The following TRAPPC10 variants were observed in gnomAD, a reference collection of about 807,000 sequenced individuals.
TRAPPC10 encodes the protein TRAPP 130 kDa subunit.
A neutral mutation model predicts 125.5 loss-of-function variants in TRAPPC10; 23 were observed. That is an observed-to-expected ratio of 0.18 (90% CI 0.13 to 0.26). The LOEUF is 0.26. TRAPPC10 is among the 10% of genes least tolerant of loss of function. TRAPPC10 has a pLI of 1.00. For synonymous variants in TRAPPC10, 509 were observed against 518.0 expected (o/e 0.98, Z 0.24); for missense variants, 1,123 against 1,308.4 (o/e 0.86, Z 2.19).
At chr21:44,050,827 C>G (rs1207705616) in intron 3 of TRAPPC10, among the ~76,000 whole-genome samples, 1 of 152,202 alleles carries the variant, frequency 6.6e-6, no homozygotes, top group African/African-American at 2.4e-5. Flanking sequence ...AATCAGGATA[C>G]AAATGAGAAG....
chr21:44,069,408 A>C (rs1454454471), intron 7 of TRAPPC10, among the ~76,000 whole-genome samples: 1 of 152,244 alleles, frequency 6.6e-6, no homozygotes, highest in Non-Finnish European at 1.5e-5. Flanking sequence ...AAAGGGGCTC[A>C]GTCTCATGAA....
chr21:44,075,438 G>T (rs1056782349), intron 9 of TRAPPC10, among the ~76,000 whole-genome samples: 5 of 152,044 alleles, frequency 3.3e-5, no homozygotes, highest in African/African-American at 7.2e-5. Flanking sequence ...ATGCACCACT[G>T]TCTCTCTGAA....
intron 1 of TRAPPC10, among the ~76,000 whole-genome samples, chr21:44,018,178 A>G (rs1038579146): frequency 6.6e-6 from 1 of 151,674 alleles, no homozygotes; most frequent in African/African-American, 2.4e-5. Flanking sequence ...GTGCTGATGA[A>G]TCTCTGAAAT....
intron 1 of TRAPPC10, among the ~76,000 whole-genome samples, chr21:44,031,450 G>A (rs1046859571): frequency 6.6e-6 from 1 of 152,152 alleles, no homozygotes; most frequent in African/African-American, 2.4e-5. Context: ...GCGTAAAGTC[G>A]GCCGCAGCTG....
At chr21:44,067,160 C>T (rs986047217) in intron 7 of TRAPPC10, among the ~76,000 whole-genome samples, 10 of 152,150 alleles carry the variant, frequency 6.6e-5, no homozygotes, top group Non-Finnish European at 1.5e-4. Context: ...TAGCCTGTGG[C>T]ACGGAGGAAC....
At chr21:44,074,665 C>T (rs1452746354) in intron 8 of TRAPPC10, among the ~76,000 whole-genome samples, 195 bp downstream of exon 8, 3 of 152,236 alleles carry the variant, frequency 2.0e-5, no homozygotes, top group African/African-American at 7.2e-5. Flanking sequence ...AGTCAGCAGA[C>T]AGCAAGCACT....
chr21:44,021,740 T>G (rs1407922061), intron 1 of TRAPPC10, among the ~76,000 whole-genome samples: 2 of 151,996 alleles, frequency 1.3e-5, no homozygotes, highest in African/African-American at 4.8e-5. Context: ...CTAGATGAGG[T>G]CAGGAGGGTG....
Position 44,057,289 on chromosome 21 carries a change from TTCTC to T in TRAPPC10, c.678+1410_678+1413del, listed in dbSNP as rs374885797. On this transcript the variant is annotated intron_variant, in intron 5 of 22. Transcript: ENST00000291574. ...CATTTAACACTACTGAGCTGTAGTCTTCTCTCTCTCTCTCTCTTTTTTTTTTTAT... is the reference window on the plus strand; with the variant it reads ...CATTTAACACTACTGAGCTGTAGTCTTCTCTCTCTCTCTTTTTTTTTTTAT... Among the ~76,000 whole-genome samples, 298 of 151,638 alleles carry T rather than the reference TTCTC, an allele frequency of 2.0e-3. 1 individual carries two copies. Among genetic ancestry groups the T allele is most frequent in the South Asian group, 0.015 (71 of 4,774 alleles).
chr21:44,075,333 A>G (rs1391393427), intron 9 of TRAPPC10, among the ~76,000 whole-genome samples, 180 bp downstream of exon 9: 1 of 152,224 alleles, frequency 6.6e-6, no homozygotes, highest in Non-Finnish European at 1.5e-5. Context: ...TAACAGCATA[A>G]TGCAATATTA....
At chr21:44,061,752 A>G (rs747398358) in intron 6 of TRAPPC10, among the ~76,000 whole-genome samples, 2 of 152,202 alleles carry the variant, frequency 1.3e-5, no homozygotes, top group Non-Finnish European at 2.9e-5. Flanking sequence ...AAGAATGCCT[A>G]GAACTTAATC....
chr21:44,040,466 T>G (rs2034332789), intron 3 of TRAPPC10, among the ~76,000 whole-genome samples: 1 of 151,966 alleles, frequency 6.6e-6, no homozygotes, highest in Admixed American at 6.6e-5. Context: ...CCTCAGCCTC[T>G]TGATTGAGTT....
intron 7 of TRAPPC10, among the ~76,000 whole-genome samples, chr21:44,067,752 C>G (rs2036558587): frequency 6.6e-6 from 1 of 152,088 alleles, no homozygotes; most frequent in African/African-American, 2.4e-5. Context: ...CTCAGGTCAG[C>G]TTGGTAAACA....
chr21:44,087,092 A>G lies in TRAPPC10; in HGVS notation c.2539+132A>G. The G allele has an allele frequency of 1.9e-6, 2 of 1,052,526 alleles. No individual in the cohort carries two copies. The highest frequency in any genetic ancestry group is 2.7e-6 in the Non-Finnish European group (2 of 736,598). 65.2% of individuals were successfully genotyped at this position (1,052,526 alleles called of 1,614,324 possible). ...ACAGTGTCTGGAGTCCGTGTTCCAT[A>G]GGAGCCCTGCGGCCTGATGCCTGTG... On this transcript the variant is annotated intron_variant, in intron 16 of 22. Coordinates refer to ENST00000291574, the MANE Select transcript of TRAPPC10 (RefSeq NM_003274.5). The surrounding 1 kb of genome is among the most constrained non-coding windows in gnomAD (Gnocchi z 4.6).
intron 1 of TRAPPC10, 131 bp downstream of exon 1, chr21:44,012,691 C>G (rs962889882): frequency 1.3e-6 from 1 of 763,740 alleles, no homozygotes; most frequent in African/African-American, 1.9e-5. Flanking sequence ...GAGGTGTGAC[C>G]AGGGCTGCGG....
At chr21:44,040,510 G>T (rs1275399991) in intron 3 of TRAPPC10, among the ~76,000 whole-genome samples, 1 of 151,956 alleles carries the variant, frequency 6.6e-6, no homozygotes, top group African/African-American at 2.4e-5. Context: ...TAATTTTTTT[G>T]TATTTTCTGT....
chr21:44,029,659 C>T (rs145324056), intron 1 of TRAPPC10, among the ~76,000 whole-genome samples: 3 of 152,226 alleles, frequency 2.0e-5, no homozygotes, highest in Non-Finnish European at 2.9e-5. Flanking sequence ...AGCACAAATG[C>T]GCTGTGTCAC....
At chr21:44,053,786 T>TG (rs1270420344) in intron 4 of TRAPPC10, among the ~76,000 whole-genome samples, 3 of 152,138 alleles carry the variant, frequency 2.0e-5, no homozygotes, top group Admixed American at 6.5e-5. Context: ...TCTGCGCGCC[T>TG]GGGGGGATCA....
At chr21:44,076,726 G>A in intron 10 of TRAPPC10, 98 bp downstream of exon 10, 1 of 1,054,676 alleles carries the variant, frequency 9.5e-7, no homozygotes, top group Non-Finnish European at 1.4e-6. Context: ...CTGGTGTGGG[G>A]GGCCCCTTCT....
rs1335613254 is a variant in TRAPPC10 at position 44,063,049 on chromosome 21, C to T, written c.791-489C>T. ...TACCAAGTCCTCCCTGTCCCTTCCT[C>T]CAGGAGCTTGACTCAGGGACGTGAC... On this transcript the variant is annotated intron_variant, in intron 6 of 22. Transcript: ENST00000291574. The surrounding 1 kb of genome is among the most constrained non-coding windows in gnomAD (Gnocchi z 4.4). 7.7e-7 allele frequency: 1 copy of T among 1,304,230 alleles called. No homozygotes were observed. The highest frequency in any genetic ancestry group is 1.5e-5 in the African/African-American group (1 of 65,824). The allele number at this position is 1,304,230 out of a possible 1,614,324, so 80.8% of individuals were successfully genotyped here.
Sources: allele counts gnomAD v4.1 joint callset (sites outside exome capture counted in the v4.1 genomes callset), GRCh38; gene constraint gnomAD v4.1.1; non-coding constraint Gnocchi (gnomAD v3.1); transcripts MANE v1.5; gene names NCBI Gene and HGNC (gene_info 2026-07-23, HGNC 2026-07-21).